Variants in NHLRC2 observed in about 807,000 individuals in gnomAD.
NHLRC2 encodes NHL repeat-containing protein 2.
NHLRC2 carries 33 observed loss-of-function variants against 68.1 expected under a neutral mutation model. That is an observed-to-expected ratio of 0.48 (90% confidence interval 0.37 to 0.65). NHLRC2 has a LOEUF of 0.65. Ranked by LOEUF, NHLRC2 falls within the 30% of genes least tolerant of loss-of-function variation. The probability of loss-of-function intolerance (pLI) is 0.00; values close to 1 mark genes in which losing one functional copy is unlikely to be tolerated. For missense variants in NHLRC2, 761 were observed against 853.8 expected (o/e 0.89, Z 1.35); for synonymous variants, 311 against 309.6 (o/e 1.00, Z -0.05).
At chr10:113,871,672 A>C (rs748565542) in intron 2 of NHLRC2, among the ~76,000 whole-genome samples, 2 of 152,216 alleles carry the variant, frequency 1.3e-5, no homozygotes, top group African/African-American at 2.4e-5. Flanking sequence ...GTAAGTAATT[A>C]TATGTCAATA....
chr10:113,879,265 A>G (rs7914144), intron 3 of NHLRC2, among the ~76,000 whole-genome samples: 116,474 of 152,032 alleles, frequency 0.77, 44,795 homozygotes, highest in Admixed American at 0.84. Context: ...GTTAAAAATT[A>G]TTCATCTGTT....
intron 2 of NHLRC2, among the ~76,000 whole-genome samples, chr10:113,871,262 G>T (rs968561860): frequency 2.0e-5 from 3 of 152,104 alleles, no homozygotes. Context: ...GACCTCAGGT[G>T]ATCAGCCAGC....
At chr10:113,862,642 G>T (rs1845828253) in intron 2 of NHLRC2, among the ~76,000 whole-genome samples, 1 of 152,130 alleles carries the variant, frequency 6.6e-6, no homozygotes, top group African/African-American at 2.4e-5. Flanking sequence ...TTGGCAGAAT[G>T]AATAAATAAC....
At position 113,915,331 on chromosome 10, in the gene NHLRC2, A is replaced by C; in HGVS notation, c.*6795A>C. 2.4e-6 allele frequency: 1 copy of C among 419,238 alleles called. No individual in the cohort carries two copies. The highest frequency in any genetic ancestry group is 4.8e-6 in the Non-Finnish European group (1 of 208,948). 26.0% of individuals were successfully genotyped at this position (419,238 alleles called of 1,614,324 possible). On this transcript the variant is annotated 3_prime_UTR_variant, in exon 11 of 11. Transcript: ENST00000369301. ...AATGAACACTAAATAGCCTTATACC[A>C]AAAAGCATTCTTGTAACTGTCAGGG...
chr10:113,884,232 A>G lies in NHLRC2; in HGVS notation c.910-19A>G, dbSNP rs368332812. The G allele has an allele frequency of 4.4e-6, 7 of 1,600,614 alleles. No homozygotes were observed. The Admixed American group carries it at 8.6e-5, about 20-fold the overall frequency. On this transcript the variant is annotated intron_variant, in intron 4 of 10. Coordinates refer to ENST00000369301, the MANE Select transcript of NHLRC2 (RefSeq NM_198514.4). ...AAAGTAACATTCATTGCATAAAACC[A>G]TCCTTTGAATTTCTATAGATTGACC...
intron 5 of NHLRC2, among the ~76,000 whole-genome samples, chr10:113,893,164 G>T (rs1846147455): frequency 6.6e-6 from 1 of 152,118 alleles, no homozygotes; most frequent in South Asian, 2.1e-4. Context: ...ATGCATCCCG[G>T]AGTAGGAGGC....
chr10:113,914,139 C>G lies in NHLRC2; in HGVS notation c.*5603C>G, dbSNP rs897659067. 2 of 151,494 alleles carry G rather than the reference C, an allele frequency of 1.3e-5. No individual in the cohort carries two copies. The highest frequency in any genetic ancestry group is 4.9e-5 in the African/African-American group (2 of 41,142). 9.4% of individuals were successfully genotyped at this position (151,494 alleles called of 1,614,324 possible). A position where few individuals can be genotyped will look rare whatever the true frequency, so the allele number is the denominator to read the frequency against. On this transcript the variant is annotated 3_prime_UTR_variant, in exon 11 of 11. Coordinates refer to ENST00000369301, the MANE Select transcript of NHLRC2 (RefSeq NM_198514.4). ...GTGCTGGGATTACAGGCGTGAGCCA[C>G]CGTACCCAGCCTAGCATTAGGTACT...
rs1399266752 is a variant in NHLRC2 at position 113,910,551 on chromosome 10, C to T, written c.*2015C>T. ...ATTTGACTTATTATGTTTCTCATTT[C>T]TAGATGGACAGGATGAGAATATTTT... On this transcript the variant is annotated 3_prime_UTR_variant, in exon 11 of 11. Transcript: ENST00000369301. The T allele has an allele frequency of 2.0e-5, 3 of 152,120 alleles. No individual in the cohort carries two copies. Among genetic ancestry groups the T allele is most frequent in the Non-Finnish European group, 4.4e-5 (3 of 68,020 alleles). The allele number at this position is 152,120 out of a possible 1,614,324, so 9.4% of individuals were successfully genotyped here. A position where few individuals can be genotyped will look rare whatever the true frequency, so the allele number is the denominator to read the frequency against.
chr10:113,884,508 C>T, intron 5 of NHLRC2, 128 bp downstream of exon 5: 1 of 619,630 alleles, frequency 1.6e-6, no homozygotes, highest in Non-Finnish European at 2.6e-6. Context: ...ACCTATGCCT[C>T]AGAGTTTGTT....
At chr10:113,906,517 A>G (rs940517618) in intron 10 of NHLRC2, among the ~76,000 whole-genome samples, 2 of 151,644 alleles carry the variant, frequency 1.3e-5, no homozygotes, top group Admixed American at 1.3e-4. Flanking sequence ...TAAAGAAGTT[A>G]GAATATATGC....
intron 6 of NHLRC2, among the ~76,000 whole-genome samples, chr10:113,899,043 ACT>A (rs1393281570): frequency 6.6e-6 from 1 of 151,646 alleles, no homozygotes; most frequent in Non-Finnish European, 1.5e-5. Context: ...AACTGGCCAT[ACT>A]CTTCTCTGTG....
intron 3 of NHLRC2, 87 bp from the exon 4 acceptor site, chr10:113,879,487 A>G: frequency 1.7e-6 from 2 of 1,169,530 alleles, no homozygotes; most frequent in South Asian, 2.9e-5. Flanking sequence ...TTATATTAAA[A>G]TCCCAGCATT....
intron 5 of NHLRC2, among the ~76,000 whole-genome samples, chr10:113,887,226 G>A (rs539661277): frequency 5.4e-4 from 82 of 152,174 alleles, no homozygotes; most frequent in Non-Finnish European, 9.9e-4. Context: ...ATGAGGATGC[G>A]GAAAAAAGAG....
chr10:113,854,730 A>G lies in NHLRC2; in HGVS notation c.-143A>G. On this transcript the variant is annotated 5_prime_UTR_variant, in exon 1 of 11. Transcript: ENST00000369301. Reference sequence around the variant, plus strand: ...CACTTGGACCTATGCTTTAAAAAGAAAAAAGTGTCATTGGCGTGGAGTGGG... The same window carrying G: ...CACTTGGACCTATGCTTTAAAAAGAGAAAAGTGTCATTGGCGTGGAGTGGG... 1 of 652,862 alleles carries G rather than the reference A, an allele frequency of 1.5e-6. No individual in the cohort carries two copies. The highest frequency in any genetic ancestry group is 2.9e-5 in the East Asian group (1 of 34,366). The allele number at this position is 652,862 out of a possible 1,614,324, so 40.4% of individuals were successfully genotyped here.
intron 2 of NHLRC2, among the ~76,000 whole-genome samples, chr10:113,863,605 G>C (rs1406102788): frequency 6.6e-6 from 1 of 151,784 alleles, no homozygotes; most frequent in Non-Finnish European, 1.5e-5. Flanking sequence ...GCTAACCGAA[G>C]GAAGGAAATA....
rs771618175 is a variant in NHLRC2, at chr10:113,855,031, A to T, written c.159A>T (p.Ser53=). ...QKVDGWEQDL[S]VPEFPEGLEW... ...TGGACGGCTGGGAGCAGGACTTGTC[A>T]GTACCCGAGTTTCCGGAAGGTGAGG... Residue 53 remains serine (S), a synonymous_variant, in exon 1 of 11, where the codon TCA becomes TCT. Coordinates refer to ENST00000369301, the MANE Select transcript of NHLRC2 (RefSeq NM_198514.4). 17 of 1,552,500 alleles carry T rather than the reference A, an allele frequency of 1.1e-5. No individual in the cohort carries two copies. Among genetic ancestry groups the T allele is most frequent in the Admixed American group, 2.0e-5 (1 of 51,170 alleles).
At position 113,912,090 on chromosome 10, in the gene NHLRC2, T is replaced by G. The variant is rs141099241; in HGVS notation, c.*3554T>G. ...GTGATTTCGTGAAGATAGCAATGGT[T>G]ATGGCTTTTTTGTTCTGTTATTTTT... On this transcript the variant is annotated 3_prime_UTR_variant, in exon 11 of 11. Transcript: ENST00000369301. The G allele has an allele frequency of 7.3e-4, 111 of 152,346 alleles. 1 individual carries two copies. The highest frequency in any genetic ancestry group is 2.6e-3 in the African/African-American group (109 of 41,584). 9.4% of individuals were successfully genotyped at this position (152,346 alleles called of 1,614,324 possible). A position where few individuals can be genotyped will look rare whatever the true frequency, so the allele number is the denominator to read the frequency against.
intron 2 of NHLRC2, among the ~76,000 whole-genome samples, chr10:113,868,719 A>G (rs1845893795): frequency 1.3e-5 from 2 of 152,208 alleles, no homozygotes; most frequent in African/African-American, 4.8e-5. Context: ...ATAATTTCTG[A>G]TTAGTGATCT....
At chr10:113,884,528 A>T (rs758507564) in intron 5 of NHLRC2, 148 bp downstream of exon 5, 26 of 500,466 alleles carry the variant, frequency 5.2e-5, no homozygotes, top group Non-Finnish European at 8.4e-5. Flanking sequence ...TAATTGTGTA[A>T]AAACAAAGCT....
Sources: allele counts gnomAD v4.1 joint callset (sites outside exome capture counted in the v4.1 genomes callset), GRCh38; gene constraint gnomAD v4.1.1; transcripts MANE v1.5; gene names NCBI Gene and HGNC (gene_info 2026-07-23, HGNC 2026-07-21).